FUNDC1: variants seen among roughly 807,000 people sequenced by gnomAD.
FUNDC1 encodes the protein FUN14 domain containing 1.
FUNDC1 carries 10 observed loss-of-function variants against 14.5 expected under a neutral mutation model. That is an observed-to-expected ratio of 0.69 (90% CI 0.43 to 1.17). FUNDC1 has a LOEUF of 1.17. FUNDC1 is among the 50% of genes most tolerant of loss of function. FUNDC1 has a pLI of 0.00. For missense variants in FUNDC1, 115 were observed against 113.8 expected (o/e 1.01, Z -0.05); for synonymous variants, 33 against 39.7 (o/e 0.83, Z 0.64).
At chrX:44,542,258 G>A (rs1229123688) in intron 1 of FUNDC1, 157 bp from the exon 2 acceptor site, 2 of 447,905 alleles carry the variant, frequency 4.5e-6, no homozygotes, top group Admixed American at 8.4e-5. Flanking sequence ...CTCAATTCTT[G>A]AGACCAGGGC....
At chrX:44,530,686 T>C (rs1174169781) in intron 3 of FUNDC1, among the ~76,000 whole-genome samples, 1 of 110,306 alleles carries the variant, frequency 9.1e-6, no homozygotes, top group African/African-American at 3.3e-5. Flanking sequence ...GAGGCCAAGG[T>C]GGGCAGATCA....
intron 3 of FUNDC1, among the ~76,000 whole-genome samples, chrX:44,533,395 C>T (rs184396634): frequency 9.1e-6 from 1 of 109,625 alleles, no homozygotes; most frequent in Non-Finnish European, 1.9e-5. Flanking sequence ...TTTGGGAGGC[C>T]GAGGCAGGCA....
At chrX:44,533,533 C>CCCTG (rs1176512694) in intron 3 of FUNDC1, among the ~76,000 whole-genome samples, 2 of 99,749 alleles carry the variant, frequency 2.0e-5, no homozygotes, top group African/African-American at 7.6e-5. Flanking sequence ...GAGGCTGAGG[C>CCCTG]AGGAGAATGG....
At chrX:44,540,631 A>G (rs896548744) in intron 2 of FUNDC1, among the ~76,000 whole-genome samples, 1 of 112,038 alleles carries the variant, frequency 8.9e-6, no homozygotes, top group Non-Finnish European at 1.9e-5. Flanking sequence ...ACTTCTGCCA[A>G]TGATGGGGCT....
chrX:44,541,152 C>T (rs1486747445), intron 2 of FUNDC1, among the ~76,000 whole-genome samples: 1 of 112,216 alleles, frequency 8.9e-6, no homozygotes, highest in African/African-American at 3.2e-5. Context: ...TAAGAAAAAA[C>T]GCTTATGCAC....
intron 2 of FUNDC1, among the ~76,000 whole-genome samples, chrX:44,540,614 C>T (rs1056574226): frequency 8.9e-5 from 10 of 111,889 alleles, no homozygotes; most frequent in Admixed American, 7.7e-4. Context: ...CTAGGCTTTC[C>T]GAGCAAACTT....
Position 44,542,815 on chromosome X carries a change from G to C in FUNDC1, c.18C>G (p.Pro6=), listed in dbSNP as rs763432939. The change falls in exon 1 of 5, where the codon CCC becomes CCG. Residue 6 remains proline (P), a synonymous_variant. Coordinates refer to ENST00000378045, the MANE Select transcript of FUNDC1 (RefSeq NM_173794.4). Reference sequence around the variant, plus strand: ...GCCCTGGCCGCTCACCTTGGGGAGGGGGGTTCCGGGTCGCCATGATACCGC... The same window carrying C: ...GCCCTGGCCGCTCACCTTGGGGAGGCGGGTTCCGGGTCGCCATGATACCGC... The part of the protein sequence containing the change: MATRN[P]PPQDYESDDD... 1.7e-6 allele frequency: 2 copies of C among 1,169,539 alleles called. No individual in the cohort carries two copies. Among genetic ancestry groups the C allele is most frequent in the South Asian group, 1.9e-5 (1 of 52,637 alleles).
intron 4 of FUNDC1, among the ~76,000 whole-genome samples, chrX:44,526,409 T>A (rs912791889): frequency 8.9e-5 from 9 of 101,020 alleles, no homozygotes; most frequent in African/African-American, 2.9e-4. Flanking sequence ...CAGCCTGGGC[T>A]ACAGGGCGAG....
At chrX:44,531,298 A>ACACACACAC (rs1569187093) in intron 3 of FUNDC1, among the ~76,000 whole-genome samples, 2 of 38,117 alleles carry the variant, frequency 5.2e-5, no homozygotes, top group East Asian at 8.1e-4. Flanking sequence ...CTTTCAGATG[A>ACACACACAC]AGATTCATGT....
chrX:44,529,152 C>T (rs1053799452), intron 3 of FUNDC1, among the ~76,000 whole-genome samples: 4 of 110,832 alleles, frequency 3.6e-5, no homozygotes, highest in Non-Finnish European at 7.6e-5. Flanking sequence ...AAAAACAAAC[C>T]TTAACTATAT....
At chrX:44,531,197 C>G (rs2038920917) in intron 3 of FUNDC1, among the ~76,000 whole-genome samples, 2 of 106,769 alleles carry the variant, frequency 1.9e-5, no homozygotes, top group Non-Finnish European at 3.9e-5. Flanking sequence ...GACCCATGGT[C>G]ACGCCACTGC....
At chrX:44,535,921 G>A (rs760479550) in intron 3 of FUNDC1, among the ~76,000 whole-genome samples, 68 of 107,166 alleles carry the variant, frequency 6.3e-4, no homozygotes, top group African/African-American at 2.3e-3. Context: ...AGGAGGCGGA[G>A]GTTGCAGTGA....
At chrX:44,525,757 A>G (rs945177568) in intron 4 of FUNDC1, among the ~76,000 whole-genome samples, 4 of 109,787 alleles carry the variant, frequency 3.6e-5, no homozygotes, top group Non-Finnish European at 7.6e-5. Flanking sequence ...AGGTGGGAGG[A>G]TCACTTGAGC....
At chrX:44,525,624 G>A (rs1457292903) in intron 4 of FUNDC1, among the ~76,000 whole-genome samples, 2 of 110,395 alleles carry the variant, frequency 1.8e-5, no homozygotes, top group African/African-American at 6.6e-5. Flanking sequence ...GGAGGCTGAG[G>A]CAGGCAGGCT....
In FUNDC1 at chrX:44,523,933, T is replaced by G. The variant is rs761777248; in HGVS notation, c.*265A>C. On this transcript the variant is annotated 3_prime_UTR_variant, in exon 5 of 5. Transcript: ENST00000378045. ...TGGTGATATTTTATAGGCTAGTTTCTAAACAGATGCAAATTTTTACAAAGC... is the reference window on the plus strand; with the variant it reads ...TGGTGATATTTTATAGGCTAGTTTCGAAACAGATGCAAATTTTTACAAAGC... 4.8e-5 allele frequency: 14 copies of G among 290,432 alleles called. No individual in the cohort carries two copies. The highest frequency in any genetic ancestry group is 7.8e-5 in the Non-Finnish European group (13 of 166,194). 23.9% of individuals were successfully genotyped at this position (290,432 alleles called of 1,213,427 possible). A position where few individuals can be genotyped will look rare whatever the true frequency, so the allele number is the denominator to read the frequency against.
At chrX:44,531,315 GAC>G (rs766982993) in intron 3 of FUNDC1, among the ~76,000 whole-genome samples, 1,889 of 18,685 alleles carry the variant, frequency 0.1, 115 homozygotes, top group Middle Eastern at 0.15. Flanking sequence ...ATGTTGGCCA[GAC>G]ACACACACAC....
chrX:44,533,626 T>C (rs868429425), intron 3 of FUNDC1, among the ~76,000 whole-genome samples: 34 of 24,466 alleles, frequency 1.4e-3, no homozygotes, highest in Middle Eastern at 0.067. Context: ...AGACTCCGTC[T>C]CAAAAAAAAA....
Position 44,525,556 on chromosome X carries a change from C to T in FUNDC1, c.391-1281G>A, listed in dbSNP as rs149956594. 5.0e-4 allele frequency among the ~76,000 whole-genome samples: 55 copies of T among 110,295 alleles called. No homozygotes were observed. In the East Asian group the frequency reaches 0.015, roughly 31 times the overall value. On this transcript the variant is annotated intron_variant, in intron 4 of 4. Coordinates refer to ENST00000378045, the MANE Select transcript of FUNDC1 (RefSeq NM_173794.4). The stretch of plus-strand genomic sequence containing the variant: ...TGTAGAAAAATATTAATATGAACTG[C>T]ATATTAGAAAATACTGGCTGGGTGT...
At position 44,537,501 on chromosome X, in the gene FUNDC1, AC is replaced by A. The variant is rs756648985; in HGVS notation, c.261+965del. Among the ~76,000 whole-genome samples, 737 of 112,123 alleles carry A rather than the reference AC, an allele frequency of 6.6e-3. 9 individuals are homozygous for A. The highest frequency in any genetic ancestry group is 0.023 in the African/African-American group (708 of 30,950). ...GTATTAATCATTTTTTTTACCTCTT[AC>A]CACAAGTAATAAGCAATTATTCGTA... On this transcript the variant is annotated intron_variant, in intron 3 of 4. Transcript: ENST00000378045.
Sources: allele counts gnomAD v4.1 joint callset (sites outside exome capture counted in the v4.1 genomes callset), GRCh38; gene constraint gnomAD v4.1.1; transcripts MANE v1.5; gene names NCBI Gene and HGNC (gene_info 2026-07-23, HGNC 2026-07-21).